Variants in PCDHGB5 observed in about 807,000 individuals in gnomAD.
PCDHGB5 encodes protocadherin gamma subfamily B, 5.
In PCDHGB5, 48 loss-of-function variants were observed where a neutral mutation model predicts 62.9. The observed-to-expected ratio is 0.76, with a 90% CI of 0.61 to 0.97. The LOEUF is 0.97. Among genes scored for constraint, PCDHGB5 ranks in the 50% least tolerant of loss-of-function variants. The pLI is 0.00. For missense variants in PCDHGB5, 1,118 were observed against 1,198.6 expected (o/e 0.93, Z 0.99); for synonymous variants, 474 against 511.2 (o/e 0.93, Z 0.98).
At chr5:141,408,687 T>C (rs1394182828) in intron 1 of PCDHGB5, 3 of 1,613,928 alleles carry the variant, frequency 1.9e-6, no homozygotes, top group East Asian at 2.2e-5. Flanking sequence ...GATCCTGATA[T>C]AAACATAAAC....
At chr5:141,447,182 C>G (rs1205769161) in intron 1 of PCDHGB5, among the ~76,000 whole-genome samples, 1 of 152,126 alleles carries the variant, frequency 6.6e-6, no homozygotes, top group Non-Finnish European at 1.5e-5. Flanking sequence ...TCTTGTCGCG[C>G]AGGCTGGAGT....
At chr5:141,448,667 G>A (rs1262994760) in intron 1 of PCDHGB5, among the ~76,000 whole-genome samples, 6 of 151,990 alleles carry the variant, frequency 3.9e-5, no homozygotes, top group African/African-American at 9.7e-5. Flanking sequence ...TTGGCCGGGC[G>A]CGGTGGCTCA....
rs1297208780 is a variant in PCDHGB5 at position 141,486,613 on chromosome 5, T to C, written c.2398-8194T>C. 2 of 1,613,658 alleles carry C rather than the reference T, an allele frequency of 1.2e-6. No individual in the cohort carries two copies. The highest frequency in any genetic ancestry group is 2.7e-5 in the African/African-American group (2 of 75,074). On this transcript the variant is annotated intron_variant, in intron 1 of 3. Coordinates refer to ENST00000617380, the MANE Select transcript of PCDHGB5 (RefSeq NM_018925.3). The surrounding 1 kb of genome is among the most constrained non-coding windows in gnomAD (Gnocchi z 5.0). ...ACCTGCTTTGCTCCCTTGCAGCCTC[T>C]GACCCAGACTCTGGCTTGAATGCGC...
At position 141,485,060 on chromosome 5, in the gene PCDHGB5, G is replaced by A. The variant is rs191055161; in HGVS notation, c.2398-9747G>A. 155 of 862,304 alleles carry A rather than the reference G, an allele frequency of 1.8e-4. No individual in the cohort carries two copies. The African/African-American group carries it at 2.3e-3, about 13-fold the overall frequency. 53.4% of individuals were successfully genotyped at this position (862,304 alleles called of 1,614,324 possible). ...ACCCTTGCGGCGCCGGCCGAACCGCGCCAGAGCTGGCGCGGGGAAAGGGAG... is the reference window on the plus strand; with the variant it reads ...ACCCTTGCGGCGCCGGCCGAACCGCACCAGAGCTGGCGCGGGGAAAGGGAG... On this transcript the variant is annotated intron_variant, in intron 1 of 3. Transcript: ENST00000617380. This position sits in a 1 kb window ranked among gnomAD's most constrained non-coding sequence, Gnocchi z 5.7.
rs776374898 is a variant in PCDHGB5, at chr5:141,414,958, G to A, written c.2397+14434G>A. ...AGAGCCCGGCTACCTGGTGACCAAG[G>A]TGGTGGCGGTGGACAGAGACTCCGG... On this transcript the variant is annotated intron_variant, in intron 1 of 3. Coordinates refer to ENST00000617380, the MANE Select transcript of PCDHGB5 (RefSeq NM_018925.3). The A allele has an allele frequency of 3.7e-6, 6 of 1,614,024 alleles. No homozygotes were observed. The South Asian group carries it at 4.4e-5, about 12-fold the overall frequency.
chr5:141,492,005 C>T (rs1444993907), intron 1 of PCDHGB5: 2 of 642,268 alleles, frequency 3.1e-6, no homozygotes, highest in Admixed American at 7.4e-5. Flanking sequence ...GGGCGATTTC[C>T]GCGGGTGTCG....
chr5:141,413,981 C>T (rs563161887), intron 1 of PCDHGB5: 52 of 1,613,334 alleles, frequency 3.2e-5, no homozygotes, highest in African/African-American at 5.3e-5. Context: ...CTGACAGTCA[C>T]AGCCACCGAC....
chr5:141,413,398 A>G lies in PCDHGB5; in HGVS notation c.2397+12874A>G, dbSNP rs780416951. The G allele has an allele frequency of 1.9e-5, 30 of 1,613,944 alleles. No homozygotes were observed. Among genetic ancestry groups the G allele is most frequent in the African/African-American group, 4.0e-5 (3 of 74,960 alleles). Reference sequence around the variant, plus strand: ...CGGAGTCCGCATAGTCTCCAGAGGTAGGACGCAGCTTTTCTCTCTGAACCC... The same window carrying G: ...CGGAGTCCGCATAGTCTCCAGAGGTGGGACGCAGCTTTTCTCTCTGAACCC... On this transcript the variant is annotated intron_variant, in intron 1 of 3. Transcript: ENST00000617380.
intron 1 of PCDHGB5, chr5:141,440,034 A>T (rs995962283): frequency 6.5e-6 from 1 of 153,052 alleles, no homozygotes; most frequent in African/African-American, 2.4e-5. Context: ...AGTGTCGAGG[A>T]CATGCCCACT....
intron 1 of PCDHGB5, chr5:141,419,230 C>G (rs1439568232): frequency 6.2e-7 from 1 of 1,613,910 alleles, no homozygotes; most frequent in Non-Finnish European, 8.5e-7. Context: ...AGTCAGCCTA[C>G]CTGGTCCACG....
At position 141,431,433 on chromosome 5, in the gene PCDHGB5, C is replaced by T; in HGVS notation, c.2397+30909C>T. ...GGGGGCGACCCGGTGCGCACAGGCA[C>T]CGCGCGCATCCGCGTGATGGTTCTG... On this transcript the variant is annotated intron_variant, in intron 1 of 3. Transcript: ENST00000617380. This position sits in a 1 kb window ranked among gnomAD's most constrained non-coding sequence, Gnocchi z 4.8. 1.9e-6 allele frequency: 3 copies of T among 1,613,716 alleles called. No homozygotes were observed. The highest frequency in any genetic ancestry group is 2.5e-6 in the Non-Finnish European group (3 of 1,180,028).
At chr5:141,442,682 T>C (rs1591733469) in intron 1 of PCDHGB5, among the ~76,000 whole-genome samples, 1 of 152,218 alleles carries the variant, frequency 6.6e-6, no homozygotes, top group East Asian at 1.9e-4. Context: ...TGAGGGACAG[T>C]AGTCAGGCAG....
intron 1 of PCDHGB5, among the ~76,000 whole-genome samples, chr5:141,455,406 CAG>C (rs1306843200): frequency 3.3e-5 from 5 of 152,226 alleles, no homozygotes; most frequent in Non-Finnish European, 5.9e-5. Flanking sequence ...CTTACAGAGA[CAG>C]AGGGAGCGGG....
chr5:141,433,849 A>C (rs116534867), intron 1 of PCDHGB5, among the ~76,000 whole-genome samples: 2,948 of 152,020 alleles, frequency 0.019, 43 homozygotes, highest in African/African-American at 0.028. Context: ...AAAAAAAAAA[A>C]AAAAAACTTT....
intron 1 of PCDHGB5, chr5:141,409,634 G>GGA (rs766487639): frequency 1.2e-6 from 2 of 1,613,720 alleles, no homozygotes; most frequent in African/African-American, 2.7e-5. Flanking sequence ...GAGCGCCTCT[G>GGA]ACCCGGATTT....
chr5:141,501,618 T>G (rs1307485559), intron 2 of PCDHGB5, among the ~76,000 whole-genome samples: 2 of 152,068 alleles, frequency 1.3e-5, no homozygotes, highest in African/African-American at 4.8e-5. Flanking sequence ...GTGACTCTGG[T>G]ATAGTCTCTC....
At chr5:141,459,490 T>C (rs2098968649) in intron 1 of PCDHGB5, among the ~76,000 whole-genome samples, 1 of 152,236 alleles carries the variant, frequency 6.6e-6, no homozygotes, top group Non-Finnish European at 1.5e-5. Context: ...TATTCTGAAT[T>C]AAAGTGATGT....
At position 141,476,499 on chromosome 5, in the gene PCDHGB5, T is replaced by A. The variant is rs763373223; in HGVS notation, c.2398-18308T>A. On this transcript the variant is annotated intron_variant, in intron 1 of 3. Coordinates refer to ENST00000617380, the MANE Select transcript of PCDHGB5 (RefSeq NM_018925.3). This position sits in a 1 kb window ranked among gnomAD's most constrained non-coding sequence, Gnocchi z 7.6. Reference sequence around the variant, plus strand: ...AGCGTGGAAGTGGTGATCCAGGACATCAACGACAACAATCCTGCTTTCCCT... The same window carrying A: ...AGCGTGGAAGTGGTGATCCAGGACAACAACGACAACAATCCTGCTTTCCCT... 3.1e-6 allele frequency: 5 copies of A among 1,613,992 alleles called. No individual in the cohort carries two copies. The South Asian group carries it at 5.5e-5, about 18-fold the overall frequency.
At chr5:141,503,502 G>A (rs750139098) in intron 2 of PCDHGB5, among the ~76,000 whole-genome samples, 5 of 151,828 alleles carry the variant, frequency 3.3e-5, no homozygotes, top group Admixed American at 2.0e-4. Context: ...AAGAGGCTGA[G>A]GCAGGAGAAT....
Sources: gnomAD v4.1 joint callset for allele counts (sites outside exome capture counted in the v4.1 genomes callset) on GRCh38, gnomAD v4.1.1 for gene constraint, Gnocchi (gnomAD v3.1) non-coding constraint, MANE v1.5 for transcripts, NCBI Gene and HGNC (gene_info 2026-07-23, HGNC 2026-07-21) for gene names.